Variants in COP1 observed in about 807,000 individuals in gnomAD.
COP1 encodes E3 ubiquitin-protein ligase COP1.
A neutral mutation model predicts 101.3 loss-of-function variants in COP1; 24 were observed. The ratio of observed to expected loss-of-function variants is 0.24; its 90% confidence interval spans 0.17 to 0.33. The LOEUF is 0.33. Among genes scored for constraint, COP1 ranks in the 10% least tolerant of loss-of-function variants. The probability of loss-of-function intolerance (pLI) is 1.00; values close to 1 mark genes in which losing one functional copy is unlikely to be tolerated. For missense variants in COP1, 663 were observed against 906.2 expected, an observed-to-expected ratio of 0.73 and a Z score of 3.45; for synonymous variants, 347 against 341.9, an observed-to-expected ratio of 1.01 and a Z score of -0.17.
At chr1:176,091,693 C>T (rs2481640) in intron 9 of COP1, among the ~76,000 whole-genome samples, 139,996 of 152,054 alleles carry the variant, frequency 0.92, 65,269 homozygotes, top group East Asian at 1. Context: ...AGTGATAGAA[C>T]AGGTAACAAT....
At chr1:176,133,862 T>G in intron 8 of COP1, 1 of 455,144 alleles carries the variant, frequency 2.2e-6, no homozygotes, top group Non-Finnish European at 4.4e-6. Context: ...AAGTATTCCA[T>G]TGACAAAGAT....
At chr1:176,126,971 C>T (rs1198153936) in intron 8 of COP1, among the ~76,000 whole-genome samples, 2 of 152,066 alleles carry the variant, frequency 1.3e-5, no homozygotes, top group Admixed American at 6.6e-5. Flanking sequence ...AGAGAATAAT[C>T]AATTCACTCA....
chr1:176,201,759 A>ACAG (rs1033636563), intron 1 of COP1, among the ~76,000 whole-genome samples: 2 of 152,222 alleles, frequency 1.3e-5, no homozygotes, highest in African/African-American at 4.8e-5. Context: ...CACAGGTCTG[A>ACAG]CAGTACCAAT....
At chr1:176,062,326 C>T (rs764418369) in intron 11 of COP1, among the ~76,000 whole-genome samples, 1 of 152,048 alleles carries the variant, frequency 6.6e-6, no homozygotes, top group Non-Finnish European at 1.5e-5. Context: ...TTTTTAAATA[C>T]TGGCCAAAAG....
chr1:176,083,135 A>G (rs1036687630), intron 10 of COP1, among the ~76,000 whole-genome samples: 69 of 152,202 alleles, frequency 4.5e-4, no homozygotes, highest in Admixed American at 6.5e-4. Flanking sequence ...AGTGGTCTGG[A>G]TATAATAGTT....
At chr1:175,955,785 C>CACACACACACACACACAA (rs1650568355) in intron 18 of COP1, among the ~76,000 whole-genome samples, 1 of 133,840 alleles carries the variant, frequency 7.5e-6, no homozygotes, top group Middle Eastern at 3.9e-3. Context: ...CACACACACA[C>CACACACACACACACACAA]ACACACACAC....
At chr1:176,093,908 A>C (rs1681827390) in intron 9 of COP1, among the ~76,000 whole-genome samples, 1 of 152,102 alleles carries the variant, frequency 6.6e-6, no homozygotes, top group African/African-American at 2.4e-5. Context: ...CTGTAGTCCC[A>C]GCTACTCGGG....
chr1:176,173,605 A>C (rs906764953), intron 3 of COP1, among the ~76,000 whole-genome samples: 1 of 150,612 alleles, frequency 6.6e-6, no homozygotes, highest in Non-Finnish European at 1.5e-5. Context: ...GCACTACTGC[A>C]CTCCAGCGGG....
chr1:176,159,482 T>A (rs188608118), intron 5 of COP1, among the ~76,000 whole-genome samples: 10 of 152,304 alleles, frequency 6.6e-5, no homozygotes, highest in African/African-American at 2.2e-4. Context: ...AAGATTAAAA[T>A]GTGCACACAT....
chr1:176,025,945 G>C (rs1441209846), intron 15 of COP1, among the ~76,000 whole-genome samples: 1 of 151,984 alleles, frequency 6.6e-6, no homozygotes, highest in East Asian at 1.9e-4. Context: ...ATGTAACTGT[G>C]GAAAGACATA....
intron 6 of COP1, among the ~76,000 whole-genome samples, chr1:176,138,083 A>T (rs1690088638): frequency 6.6e-6 from 1 of 152,202 alleles, no homozygotes; most frequent in Non-Finnish European, 1.5e-5. Context: ...TTGAAAATTA[A>T]ATCAGAGGCT....
rs1572815237 is a variant in COP1, at chr1:176,198,933, G to A, written c.407+7639C>T. Among the ~76,000 whole-genome samples, 9 of 152,256 alleles carry A rather than the reference G, an allele frequency of 5.9e-5. No individual in the cohort carries two copies. In the South Asian group the frequency reaches 1.9e-3, roughly 32 times the overall value. Reference sequence around the variant, plus strand: ...TAAAAGACTGAAAACACTGAGCACTGGCAAGGATGTGAAACAATTAAAAAC... The same window carrying A: ...TAAAAGACTGAAAACACTGAGCACTAGCAAGGATGTGAAACAATTAAAAAC... On this transcript the variant is annotated intron_variant, in intron 1 of 19. Coordinates refer to ENST00000367669, the MANE Select transcript of COP1 (RefSeq NM_022457.7).
chr1:176,008,005 G>A (rs1663783344), intron 15 of COP1, among the ~76,000 whole-genome samples: 2 of 152,178 alleles, frequency 1.3e-5, no homozygotes, highest in South Asian at 4.1e-4. Context: ...GACTCCGTGG[G>A]CGTAGGACCC....
rs569157489 is a variant in COP1 at position 176,152,544 on chromosome 1, G to A, written c.763-3470C>T. ...CTCACTGCAGCCTCCGCTCCCCAAG[G>A]TGAAGCAATTCTTCTGCCTCGGCCT... is the stretch of plus-strand genomic sequence containing the variant. On this transcript the variant is annotated intron_variant, in intron 5 of 19. Transcript: ENST00000367669. Among the ~76,000 whole-genome samples, 14 of 151,990 alleles carry A rather than the reference G, an allele frequency of 9.2e-5. No individual in the cohort carries two copies. In the South Asian group the frequency reaches 2.5e-3, roughly 27 times the overall value.
intron 5 of COP1, among the ~76,000 whole-genome samples, chr1:176,161,379 A>G (rs1694299094): frequency 6.6e-6 from 1 of 152,170 alleles, no homozygotes; most frequent in Non-Finnish European, 1.5e-5. Flanking sequence ...GCTTGAAGCC[A>G]AGAGTTTGAG....
intron 4 of COP1, 88 bp downstream of exon 4, chr1:176,163,727 T>C (rs1694695380): frequency 1.3e-6 from 1 of 797,070 alleles, no homozygotes; most frequent in African/African-American, 1.8e-5. Flanking sequence ...ATCAATAATA[T>C]ACTAAACTTT....
chr1:176,038,122 C>T (rs1421012518), intron 14 of COP1, among the ~76,000 whole-genome samples: 1 of 152,194 alleles, frequency 6.6e-6, no homozygotes, highest in Non-Finnish European at 1.5e-5. Context: ...TAAATATCAA[C>T]TGTATTTCTA....
rs765055146 is a variant in COP1 at position 175,951,437 on chromosome 1, A to AATATATATATATATATATATATATAT, written c.2134-4199_2134-4198insATATATATATATATATATATATATAT. ...AATGTATTTAAATATAAGATACGTG[A>AATATATATATATATATATATATATAT]ATATATATATATATATATATATATA... On this transcript the variant is annotated intron_variant, in intron 18 of 19. Coordinates refer to ENST00000367669, the MANE Select transcript of COP1 (RefSeq NM_022457.7). Among the ~76,000 whole-genome samples the AATATATATATATATATATATATATAT allele has an allele frequency of 6.6e-4, 71 of 107,926 alleles. 2 individuals are homozygous for AATATATATATATATATATATATATAT. The highest frequency in any genetic ancestry group is 2.2e-3 in the African/African-American group (64 of 29,264). 70.8% of individuals were successfully genotyped at this position (107,926 alleles called of 152,430 possible).
At chr1:176,055,519 C>G (rs1030903037) in intron 11 of COP1, among the ~76,000 whole-genome samples, 6 of 152,328 alleles carry the variant, frequency 3.9e-5, no homozygotes, top group African/African-American at 1.4e-4. Context: ...TCCTGGATTT[C>G]TTTGGTGATC....
Sources: allele counts gnomAD v4.1 joint callset (sites outside exome capture counted in the v4.1 genomes callset), GRCh38; gene constraint gnomAD v4.1.1; transcripts MANE v1.5; gene names NCBI Gene and HGNC (gene_info 2026-07-23, HGNC 2026-07-21).